EHHADH: variants seen among roughly 807,000 people sequenced by gnomAD.
EHHADH encodes the protein enoyl-CoA hydratase and 3-hydroxyacyl CoA dehydrogenase.
Under a neutral mutation model 64.4 loss-of-function variants are expected in EHHADH, and 48 were observed. That is an observed-to-expected ratio of 0.75 (90% CI 0.59 to 0.95). The LOEUF is 0.95. Among genes scored for constraint, EHHADH ranks in the 40% least tolerant of loss-of-function variants. The probability of loss-of-function intolerance (pLI) is 0.00; values close to 1 mark genes in which losing one functional copy is unlikely to be tolerated. For missense variants in EHHADH, 854 were observed against 876.6 expected (o/e 0.97, Z 0.33); for synonymous variants, 308 against 326.7 (o/e 0.94, Z 0.62).
At chr3:185,235,208 G>A (rs538445233) in intron 3 of EHHADH, 82 bp downstream of exon 3, 99 of 1,302,150 alleles carry the variant, frequency 7.6e-5, no homozygotes, top group East Asian at 3.6e-4. Context: ...AATAATCACC[G>A]CTGATACTTA....
At chr3:185,248,630 C>T in intron 1 of EHHADH, 113 bp from the exon 2 acceptor site, 1 of 676,286 alleles carries the variant, frequency 1.5e-6, no homozygotes, top group South Asian at 2.0e-5. Flanking sequence ...TGGATAAAAA[C>T]TGTAGATACT....
chr3:185,249,290 G>A (rs1050315913), intron 1 of EHHADH, among the ~76,000 whole-genome samples: 3 of 152,060 alleles, frequency 2.0e-5, no homozygotes, highest in African/African-American at 4.8e-5. Flanking sequence ...CACCACGTCC[G>A]GCTAATTTTT....
At chr3:185,230,172 G>T (rs1185437987) in intron 3 of EHHADH, among the ~76,000 whole-genome samples, 2 of 152,166 alleles carry the variant, frequency 1.3e-5, no homozygotes, top group Non-Finnish European at 2.9e-5. Context: ...GACAATAACA[G>T]GTGTTGGAGA....
At chr3:185,233,773 G>C (rs1377848967) in intron 3 of EHHADH, among the ~76,000 whole-genome samples, 1 of 152,118 alleles carries the variant, frequency 6.6e-6, no homozygotes, top group Non-Finnish European at 1.5e-5. Flanking sequence ...AGCCTCCCGA[G>C]TAGCTGGGAT....
intron 4 of EHHADH, among the ~76,000 whole-genome samples, chr3:185,228,257 A>AAAAAAAAAAT (rs1367786172): frequency 9.1e-5 from 2 of 21,990 alleles, no homozygotes; most frequent in Non-Finnish European, 2.1e-4. Context: ...AAAAAAAAAA[A>AAAAAAAAAAT]ATATATATAT....
Position 185,192,239 on chromosome 3 carries a change from C to T in EHHADH, c.2159G>A (p.Ser720Asn). Residue 720 changes from serine (S) to asparagine (N), a missense_variant, in exon 7 of 7, where the codon AGC (serine) becomes AAC (asparagine). By Grantham distance (46) the Ser-to-Asn change is conservative (BLOSUM62 1). Transcript: ENST00000231887. ...TGGAAGACTGAATCACAATTTACTG[C>T]TAGGGGAGCCTGCCAAGCTTTGCCA... ...KEWQSLAGSP[S>N]SKL The T allele has an allele frequency of 6.2e-7, 1 of 1,612,958 alleles. No homozygotes were observed. Among genetic ancestry groups the T allele is most frequent in the Non-Finnish European group, 8.5e-7 (1 of 1,179,512 alleles).
chr3:185,205,004 A>AT (rs1294167760), intron 5 of EHHADH, among the ~76,000 whole-genome samples: 3 of 151,976 alleles, frequency 2.0e-5, no homozygotes, highest in Non-Finnish European at 4.4e-5. Context: ...TAAAAGTTGT[A>AT]TTTTCTTTTT....
intron 6 of EHHADH, among the ~76,000 whole-genome samples, chr3:185,196,300 C>A: frequency 6.6e-6 from 1 of 152,152 alleles, no homozygotes. Context: ...CATTTTCTCA[C>A]GTTAAAAAAT....
Position 185,201,874 on chromosome 3 carries a change from C to T in EHHADH, c.910+2542G>A, listed in dbSNP as rs527793753. ...GACAAACACAATACTGATACACTTA[C>T]CAGCTTGCTATTATTTGCATTAATT... On this transcript the variant is annotated intron_variant, in intron 6 of 6. Coordinates refer to ENST00000231887, the MANE Select transcript of EHHADH (RefSeq NM_001966.4). Among the ~76,000 whole-genome samples, 49 of 152,274 alleles carry T rather than the reference C, an allele frequency of 3.2e-4. 1 individual carries two copies. In the South Asian group the frequency reaches 0.01, roughly 32 times the overall value.
chr3:185,222,443 T>A lies in EHHADH; in HGVS notation c.464-4203A>T, dbSNP rs950823178. On this transcript the variant is annotated intron_variant, in intron 4 of 6. Transcript: ENST00000231887. Reference sequence around the variant, plus strand: ...AGCTTTAAAAATGTTTCTTTATTAGTTCATTTTAAAATAATAAACTCACTG... The same window carrying A: ...AGCTTTAAAAATGTTTCTTTATTAGATCATTTTAAAATAATAAACTCACTG... 2.6e-5 allele frequency among the ~76,000 whole-genome samples: 4 copies of A among 152,214 alleles called. 1 individual carries two copies. The highest frequency in any genetic ancestry group is 5.9e-5 in the Non-Finnish European group (4 of 68,034).
At chr3:185,251,439 A>G (rs1719744042) in intron 1 of EHHADH, among the ~76,000 whole-genome samples, 1 of 152,238 alleles carries the variant, frequency 6.6e-6, no homozygotes, top group Non-Finnish European at 1.5e-5. Flanking sequence ...TACTCTGTGG[A>G]TTACAGTAAA....
intron 5 of EHHADH, among the ~76,000 whole-genome samples, chr3:185,213,119 CAAAAA>C (rs550233979): frequency 1.6e-4 from 7 of 43,056 alleles, no homozygotes; most frequent in Non-Finnish European, 2.1e-4. Context: ...GACTCTGTCT[CAAAAA>C]AAAAAAAAAA....
In EHHADH at chr3:185,193,128, G is replaced by A. The variant is rs143700632; in HGVS notation, c.1270C>T (p.Arg424Cys). The A allele has an allele frequency of 9.2e-5, 148 of 1,613,058 alleles. No individual in the cohort carries two copies. The highest frequency in any genetic ancestry group is 1.6e-4 in the Middle Eastern group (1 of 6,074). The part of the protein sequence containing the change: ...DVDEIASSTD[R>C]PHLVIGTHFF... ...TGGGTGCCAATGACCAAGTGAGGAC[G>A]ATCAGTGGAAGAAGCAATCTCATCA... The change falls in exon 7 of 7, where the codon CGT (arginine) becomes TGT (cysteine). Residue 424 changes from arginine to cysteine, a missense_variant. Physicochemically the swap from Arg to Cys is radical, Grantham distance 180 (BLOSUM62 -3). Transcript: ENST00000231887.
At chr3:185,199,304 C>T (rs1718160719) in intron 6 of EHHADH, among the ~76,000 whole-genome samples, 1 of 152,160 alleles carries the variant, frequency 6.6e-6, no homozygotes, top group African/African-American at 2.4e-5. Flanking sequence ...CATTTTCCTG[C>T]CGGCACACAG....
chr3:185,194,412 A>C (rs550257982), intron 6 of EHHADH, among the ~76,000 whole-genome samples: 1 of 152,290 alleles, frequency 6.6e-6, no homozygotes, highest in African/African-American at 2.4e-5. Flanking sequence ...CAGGATTTCA[A>C]GACCAGCCTG....
chr3:185,223,024 T>G (rs1203695828), intron 4 of EHHADH, among the ~76,000 whole-genome samples: 1 of 152,222 alleles, frequency 6.6e-6, no homozygotes, highest in Non-Finnish European at 1.5e-5. Flanking sequence ...ATGGCATGCT[T>G]GTTAAAGTAC....
Position 185,216,244 on chromosome 3 carries a change from C to CTCAT in EHHADH, c.568+1891_568+1892insATGA, listed in dbSNP as rs543284452. Among the ~76,000 whole-genome samples, 9 of 152,328 alleles carry CTCAT rather than the reference C, an allele frequency of 5.9e-5. No individual in the cohort carries two copies. The highest frequency in any genetic ancestry group is 5.2e-4 in the Admixed American group (8 of 15,310). ...AGACCTGGATCCAGGTCTCCTAGAT[C>CTCAT]ATGAACCTCAACTATTTCTTGAAGT... On this transcript the variant is annotated intron_variant, in intron 5 of 6. Coordinates refer to ENST00000231887, the MANE Select transcript of EHHADH (RefSeq NM_001966.4). This position sits in a 1 kb window ranked among gnomAD's most constrained non-coding sequence, Gnocchi z 5.3.
chr3:185,216,356 C>A lies in EHHADH; in HGVS notation c.568+1780G>T, dbSNP rs905329681. Among the ~76,000 whole-genome samples, 1 of 152,178 alleles carries A rather than the reference C, an allele frequency of 6.6e-6. No homozygotes were observed. Among genetic ancestry groups the A allele is most frequent in the African/African-American group, 2.4e-5 (1 of 41,450 alleles). On this transcript the variant is annotated intron_variant, in intron 5 of 6. Coordinates refer to ENST00000231887, the MANE Select transcript of EHHADH (RefSeq NM_001966.4). This position sits in a 1 kb window ranked among gnomAD's most constrained non-coding sequence, Gnocchi z 5.3. Reference sequence around the variant, plus strand: ...TTGAGACCTTTACAAACTAAAACTACAGATGTGAATGACAGACACGGGTCT... The same window carrying A: ...TTGAGACCTTTACAAACTAAAACTAAAGATGTGAATGACAGACACGGGTCT...
intron 4 of EHHADH, 147 bp downstream of exon 4, chr3:185,229,285 A>G (rs995301537): frequency 9.7e-6 from 4 of 410,828 alleles, no homozygotes; most frequent in African/African-American, 8.2e-5. Context: ...AGTTCTCCAT[A>G]TTACAGATCA....
Sources: gnomAD v4.1 joint callset for allele counts (sites outside exome capture counted in the v4.1 genomes callset) on GRCh38, gnomAD v4.1.1 for gene constraint, Gnocchi (gnomAD v3.1) non-coding constraint, MANE v1.5 for transcripts, NCBI Gene and HGNC (gene_info 2026-07-23, HGNC 2026-07-21) for gene names.